CCDC18: variants seen among roughly 807,000 people sequenced by gnomAD.
CCDC18 encodes coiled-coil domain containing 18.
A neutral mutation model predicts 196.0 loss-of-function variants in CCDC18; 157 were observed. The observed-to-expected ratio is 0.80, with a 90% CI of 0.70 to 0.91. The LOEUF is 0.91. Among genes scored for constraint, CCDC18 ranks in the 40% least tolerant of loss-of-function variants. CCDC18 has a pLI of 0.00. For missense variants in CCDC18, 1,465 were observed against 1,611.6 expected, an observed-to-expected ratio of 0.91 and a Z score of 1.56; for synonymous variants, 482 against 529.2, an observed-to-expected ratio of 0.91 and a Z score of 1.22.
intron 28 of CCDC18, chr1:93,271,528 A>T: frequency 1.0e-6 from 1 of 985,230 alleles, no homozygotes; most frequent in South Asian, 4.7e-5. Flanking sequence ...TCATTTCCAG[A>T]CATCTTAAAT....
At chr1:93,231,479 T>C (rs1157826451) in intron 17 of CCDC18, among the ~76,000 whole-genome samples, 7 of 152,168 alleles carry the variant, frequency 4.6e-5, no homozygotes, top group African/African-American at 1.2e-4. Context: ...TTAAATCACA[T>C]TGACAATCAT....
At chr1:93,189,490 A>G (rs1326325057) in intron 4 of CCDC18, among the ~76,000 whole-genome samples, 1 of 152,198 alleles carries the variant, frequency 6.6e-6, no homozygotes, top group Non-Finnish European at 1.5e-5. Context: ...TATGCCCAGC[A>G]GTGGAATTTC....
intron 26 of CCDC18, among the ~76,000 whole-genome samples, chr1:93,263,238 A>ATTAC: frequency 6.6e-6 from 1 of 152,050 alleles, no homozygotes; most frequent in Non-Finnish European, 1.5e-5. Context: ...TTAGCTCCTC[A>ATTAC]TTACTTAAGA....
chr1:93,239,494 G>C, intron 20 of CCDC18, 21 bp downstream of exon 20: 1 of 1,589,452 alleles, frequency 6.3e-7, no homozygotes, highest in South Asian at 1.1e-5. Context: ...GGTTAGATGA[G>C]TATAGCTGCC....
At chr1:93,277,444 C>T (rs1329634444) in intron 28 of CCDC18, among the ~76,000 whole-genome samples, 4 of 107,518 alleles carry the variant, frequency 3.7e-5, no homozygotes, top group Non-Finnish European at 7.0e-5. Flanking sequence ...GCAGAGGTCC[C>T]TGCGGCCTTC....
rs750226714 is a variant in CCDC18 at position 93,226,303 on chromosome 1, T to G, written c.2176-30T>G. ...TATTGAGTATATCGTTTTGTGTTTT[T>G]TTTTTTTTTTTGCTTTTTTTCCTGC... is the stretch of plus-strand genomic sequence containing the variant. On this transcript the variant is annotated intron_variant, in intron 16 of 28. Transcript: ENST00000690025. 24 of 927,758 alleles carry G rather than the reference T, an allele frequency of 2.6e-5. 1 individual carries two copies. The highest frequency in any genetic ancestry group is 8.5e-5 in the African/African-American group (5 of 59,056). 57.5% of individuals were successfully genotyped at this position (927,758 alleles called of 1,614,324 possible).
At chr1:93,232,699 C>T (rs1027804858) in intron 18 of CCDC18, 106 bp downstream of exon 18, 29 of 826,832 alleles carry the variant, frequency 3.5e-5, no homozygotes, top group African/African-American at 2.5e-4. Flanking sequence ...GGCCAGATGC[C>T]GTGGCTCGTG....
At chr1:93,267,650 C>G (rs187893320) in intron 27 of CCDC18, among the ~76,000 whole-genome samples, 37 of 152,092 alleles carry the variant, frequency 2.4e-4, no homozygotes, top group Admixed American at 5.9e-4. Context: ...AATAACCGAC[C>G]AACAGAGAGC....
At chr1:93,266,282 AC>A (rs1290751078) in intron 27 of CCDC18, among the ~76,000 whole-genome samples, 1 of 152,242 alleles carries the variant, frequency 6.6e-6, no homozygotes, top group African/African-American at 2.4e-5. Context: ...TCTCTGGGAC[AC>A]ATTTAAAGCA....
intron 21 of CCDC18, among the ~76,000 whole-genome samples, chr1:93,243,200 C>A (rs1661051735): frequency 6.6e-6 from 1 of 152,240 alleles, no homozygotes; most frequent in Admixed American, 6.5e-5. Flanking sequence ...GAGAACCAGG[C>A]CTTTCCATAT....
At chr1:93,207,961 T>C (rs183379571) in intron 9 of CCDC18, among the ~76,000 whole-genome samples, 58 of 152,332 alleles carry the variant, frequency 3.8e-4, no homozygotes, top group Non-Finnish European at 4.4e-5. Context: ...TTCATTTCTT[T>C]TTATTGCTAA....
At chr1:93,256,993 C>T (rs983106413) in intron 25 of CCDC18, among the ~76,000 whole-genome samples, 1 of 151,718 alleles carries the variant, frequency 6.6e-6, no homozygotes. Context: ...TTTGGGAGGC[C>T]GAGGCAGGCG....
At chr1:93,244,990 T>G (rs569566294) in intron 21 of CCDC18, among the ~76,000 whole-genome samples, 16 of 152,202 alleles carry the variant, frequency 1.1e-4, no homozygotes, top group Non-Finnish European at 2.1e-4. Context: ...TACCTCATCA[T>G]GCAGTTAATG....
chr1:93,180,370 C>A (rs1464466882), upstream of CCDC18: 5 of 1,297,134 alleles, frequency 3.9e-6, no homozygotes, highest in East Asian at 1.4e-4. Flanking sequence ...GTGGCGGCCG[C>A]GGCGGCGGCG....
In CCDC18 at chr1:93,226,378, G is replaced by A. The variant is rs181899427; in HGVS notation, c.2221G>A (p.Val741Ile). ...SALEICKEEL[V>I]LHLNQLEGNK... The stretch of plus-strand genomic sequence containing the variant: ...ATTGGAAATTTGTAAGGAAGAACTT[G>A]TCTTGCATTTGAATCAATTGGAAGG... The change falls in exon 17 of 29, where the codon GTC (valine) becomes ATC (isoleucine). Residue 741 changes from valine (V) to isoleucine (I), a missense_variant. Transcript: ENST00000690025. The A allele has an allele frequency of 6.3e-7, 1 of 1,584,044 alleles. No individual in the cohort carries two copies. Among genetic ancestry groups the A allele is most frequent in the Non-Finnish European group, 8.6e-7 (1 of 1,165,592 alleles).
chr1:93,180,708 C>T, upstream of CCDC18: 1 of 1,358,362 alleles, frequency 7.4e-7, no homozygotes, highest in Non-Finnish European at 9.8e-7. Flanking sequence ...AGGCGCGTCC[C>T]AACGGCTCCC....
intron 27 of CCDC18, among the ~76,000 whole-genome samples, chr1:93,268,227 A>G (rs996433866): frequency 1.3e-5 from 2 of 152,264 alleles, no homozygotes; most frequent in African/African-American, 4.8e-5. Context: ...AGCCATATGT[A>G]GAAAGGTGAA....
At chr1:93,260,952 C>T (rs565861734) in intron 26 of CCDC18, among the ~76,000 whole-genome samples, 14 of 152,268 alleles carry the variant, frequency 9.2e-5, no homozygotes, top group African/African-American at 3.1e-4. Context: ...GTGAACTCAT[C>T]CTTTTTTATG....
chr1:93,239,954 A>C, intron 21 of CCDC18, 58 bp downstream of exon 21: 1 of 1,190,084 alleles, frequency 8.4e-7, no homozygotes, highest in Non-Finnish European at 1.2e-6. Context: ...AATACAATAA[A>C]ATATGTTGTT....
Sources: allele counts gnomAD v4.1 joint callset (sites outside exome capture counted in the v4.1 genomes callset), GRCh38; gene constraint gnomAD v4.1.1; transcripts MANE v1.5; gene names NCBI Gene and HGNC (gene_info 2026-07-23, HGNC 2026-07-21).